The following GABRB3 variants were observed in gnomAD, a reference collection of about 807,000 sequenced individuals.
The protein encoded by GABRB3 is gamma-aminobutyric acid type A receptor subunit beta3.
A neutral mutation model predicts 52.1 loss-of-function variants in GABRB3; 14 were observed. The ratio of observed to expected loss-of-function variants is 0.27; its 90% confidence interval spans 0.18 to 0.42. GABRB3 has a LOEUF of 0.42. Among genes scored for constraint, GABRB3 ranks in the 10% least tolerant of loss-of-function variants. The pLI is 1.00. For synonymous variants in GABRB3, 260 were observed against 232.3 expected (o/e 1.12, Z -1.08); for missense variants, 307 against 609.1 (o/e 0.50, Z 5.22).
chr15:26,712,688 C>A (rs1008840583), intron 3 of GABRB3, among the ~76,000 whole-genome samples: 1 of 152,064 alleles, frequency 6.6e-6, no homozygotes, highest in Non-Finnish European at 1.5e-5. Flanking sequence ...AGTGTTGCTG[C>A]AGTGTGTGGA....
At chr15:26,574,521 T>G (rs2140715364) in intron 6 of GABRB3, among the ~76,000 whole-genome samples, 1 of 152,252 alleles carries the variant, frequency 6.6e-6, no homozygotes, top group East Asian at 1.9e-4. Context: ...CAAATGTTCA[T>G]CAGCTGATGA....
chr15:26,616,141 G>A (rs1892248828), intron 4 of GABRB3: 4 of 1,214,082 alleles, frequency 3.3e-6, no homozygotes, highest in Non-Finnish European at 4.3e-6. Flanking sequence ...CATCCAGCCA[G>A]TGCAACAGTA....
chr15:26,738,273 G>A (rs1295085673), intron 3 of GABRB3, among the ~76,000 whole-genome samples: 1 of 151,990 alleles, frequency 6.6e-6, no homozygotes, highest in African/African-American at 2.4e-5. Context: ...AGTAGAGACG[G>A]GGTTTCACAA....
chr15:26,594,042 T>C (rs1319020719), intron 4 of GABRB3, among the ~76,000 whole-genome samples: 3 of 148,514 alleles, frequency 2.0e-5, no homozygotes, highest in Non-Finnish European at 4.5e-5. Context: ...TATCTCATTG[T>C]GGTTTAAGGA....
chr15:26,575,974 C>G (rs1890577024), intron 6 of GABRB3, among the ~76,000 whole-genome samples: 1 of 152,212 alleles, frequency 6.6e-6, no homozygotes, highest in Non-Finnish European at 1.5e-5. Context: ...TCAAAGACAA[C>G]TCTAAAGTGA....
chr15:26,690,681 C>T (rs982944202), intron 3 of GABRB3, among the ~76,000 whole-genome samples: 2 of 151,856 alleles, frequency 1.3e-5, no homozygotes, highest in Non-Finnish European at 2.9e-5. Flanking sequence ...GATGTTCCCA[C>T]TTAGTGTTTG....
chr15:26,638,679 T>C (rs1893118078), intron 3 of GABRB3, among the ~76,000 whole-genome samples: 1 of 152,120 alleles, frequency 6.6e-6, no homozygotes, highest in South Asian at 2.1e-4. Context: ...TCCCAGGAGG[T>C]AAAGCCCAAG....
chr15:26,706,478 G>C (rs1437833443), intron 3 of GABRB3, among the ~76,000 whole-genome samples: 2 of 150,788 alleles, frequency 1.3e-5, no homozygotes, highest in African/African-American at 4.9e-5. Context: ...GGCATGTTAT[G>C]CTTTGTTAAT....
intron 3 of GABRB3, among the ~76,000 whole-genome samples, chr15:26,724,317 C>T (rs527377043): frequency 1.9e-4 from 29 of 152,250 alleles, no homozygotes; most frequent in Middle Eastern, 3.4e-3. Flanking sequence ...ATGAACCCCC[C>T]TCTTGGCCAA....
intron 8 of GABRB3, among the ~76,000 whole-genome samples, chr15:26,559,866 G>A (rs567779573): frequency 2.0e-5 from 3 of 152,176 alleles, no homozygotes; most frequent in Admixed American, 2.0e-4. Context: ...CCAGGGCCAC[G>A]GCAGATCTAT....
chr15:26,637,748 C>T (rs1009436565), intron 3 of GABRB3, among the ~76,000 whole-genome samples: 4 of 152,196 alleles, frequency 2.6e-5, no homozygotes, highest in African/African-American at 9.6e-5. Flanking sequence ...GTCTTGGCCA[C>T]CTGAAGCATT....
intron 3 of GABRB3, among the ~76,000 whole-genome samples, chr15:26,683,590 C>G (rs1274822678): frequency 6.6e-6 from 1 of 152,306 alleles, no homozygotes; most frequent in Admixed American, 6.5e-5. Context: ...CATACGTGAA[C>G]CTGATCTATG....
rs1467295398 is a variant in GABRB3 at position 26,551,221 on chromosome 15, T to C, written c.1081-3087A>G. Among the ~76,000 whole-genome samples the C allele has an allele frequency of 3.3e-5, 5 of 152,326 alleles. 1 individual carries two copies. Among genetic ancestry groups the C allele is most frequent in the South Asian group, 4.1e-4 (2 of 4,822 alleles). On this transcript the variant is annotated intron_variant, in intron 8 of 8. Transcript: ENST00000311550. ...GTGAAAGAATTTCAATTTAACTCTT[T>C]AGGAAACAGGAAGAAGAGTACTTTC... is the stretch of plus-strand genomic sequence containing the variant.
intron 4 of GABRB3, among the ~76,000 whole-genome samples, chr15:26,584,222 G>A (rs1890896722): frequency 6.6e-6 from 1 of 152,192 alleles, no homozygotes; most frequent in East Asian, 1.9e-4. Flanking sequence ...TGGATAATCA[G>A]TGGCAGAGAA....
At chr15:26,649,452 C>T (rs1887124250) in intron 3 of GABRB3, among the ~76,000 whole-genome samples, 1 of 152,166 alleles carries the variant, frequency 6.6e-6, no homozygotes, top group African/African-American at 2.4e-5. Flanking sequence ...GTCTCCAGAA[C>T]TGTGAGAAAT....
At chr15:26,739,185 C>A (rs540287639) in intron 3 of GABRB3, among the ~76,000 whole-genome samples, 221 of 152,140 alleles carry the variant, frequency 1.5e-3, no homozygotes, top group Non-Finnish European at 2.2e-3. Context: ...CCTCGCCCAG[C>A]CCAGCCCTGT....
chr15:26,696,393 TTA>T (rs1888741409), intron 3 of GABRB3, among the ~76,000 whole-genome samples: 3 of 152,174 alleles, frequency 2.0e-5, no homozygotes, highest in Non-Finnish European at 4.4e-5. Flanking sequence ...GTTATTATTA[TTA>T]TCATTCAAAC....
chr15:26,630,071 C>A (rs1051887680), intron 3 of GABRB3, among the ~76,000 whole-genome samples: 7 of 152,144 alleles, frequency 4.6e-5, no homozygotes, highest in Middle Eastern at 6.3e-3. Context: ...GGTTCAACCC[C>A]AAACCCTCAC....
intron 7 of GABRB3, among the ~76,000 whole-genome samples, chr15:26,567,026 T>C (rs1331177139): frequency 6.6e-6 from 1 of 152,170 alleles, no homozygotes; most frequent in African/African-American, 2.4e-5. Flanking sequence ...CCCTTAATAA[T>C]CAAAATGCTA....
Sources: gnomAD v4.1 joint callset for allele counts (sites outside exome capture counted in the v4.1 genomes callset) on GRCh38, gnomAD v4.1.1 for gene constraint, MANE v1.5 for transcripts, NCBI Gene and HGNC (gene_info 2026-07-23, HGNC 2026-07-21) for gene names.